The following C1GALT1 variants were observed in gnomAD, a reference collection of about 807,000 sequenced individuals.
C1GALT1 encodes core 1 synthase, glycoprotein-N-acetylgalactosamine 3-beta-galactosyltransferase 1.
In C1GALT1, 11 loss-of-function variants were observed where a neutral mutation model predicts 31.0. That is an observed-to-expected ratio of 0.36 (90% confidence interval 0.22 to 0.59). The LOEUF (loss-of-function observed/expected upper bound fraction) is 0.59, where lower values mean the gene tolerates loss of function less well. Ranked by LOEUF, C1GALT1 falls within the 20% of genes least tolerant of loss-of-function variation. C1GALT1 has a pLI of 0.79. For synonymous variants in C1GALT1, 175 were observed against 143.6 expected (o/e 1.22, Z -1.56); for missense variants, 424 against 425.2 (o/e 1.00, Z 0.03).
intron 1 of C1GALT1, among the ~76,000 whole-genome samples, chr7:7,233,842 C>T (rs1783203563): frequency 6.6e-6 from 1 of 152,194 alleles, no homozygotes. Flanking sequence ...GAAGATGCAA[C>T]AGAAACCACA....
At chr7:7,212,823 A>G (rs1782066945) in intron 1 of C1GALT1, among the ~76,000 whole-genome samples, 1 of 152,176 alleles carries the variant, frequency 6.6e-6, no homozygotes. Flanking sequence ...GTTACAAAGT[A>G]CATTCACAAG....
At chr7:7,207,786 CTTT>C (rs1454651584) in intron 1 of C1GALT1, among the ~76,000 whole-genome samples, 1 of 138,764 alleles carries the variant, frequency 7.2e-6, no homozygotes, top group Non-Finnish European at 1.5e-5. Flanking sequence ...TGCTTTTTTT[CTTT>C]GTTTTTTTTT....
intron 1 of C1GALT1, among the ~76,000 whole-genome samples, chr7:7,209,164 A>T (rs974913493): frequency 5.3e-5 from 8 of 152,192 alleles, no homozygotes; most frequent in African/African-American, 1.9e-4. Context: ...TGTAGAGCCT[A>T]TACATTTATA....
At chr7:7,227,224 G>T (rs1433669835) in intron 1 of C1GALT1, among the ~76,000 whole-genome samples, 1 of 152,084 alleles carries the variant, frequency 6.6e-6, no homozygotes, top group Non-Finnish European at 1.5e-5. Flanking sequence ...TTCCCATTCT[G>T]TAAAACTGTA....
chr7:7,226,678 T>A (rs1355208066), intron 1 of C1GALT1, among the ~76,000 whole-genome samples: 1 of 152,126 alleles, frequency 6.6e-6, no homozygotes, highest in Admixed American at 6.5e-5. Context: ...TGGCACCGAT[T>A]AGCGCCATTA....
At chr7:7,243,406 C>G (rs1313795110) in intron 3 of C1GALT1, 118 bp from the exon 4 acceptor site, 2 of 821,388 alleles carry the variant, frequency 2.4e-6, no homozygotes, top group African/African-American at 3.4e-5. Flanking sequence ...CTCTGCTTTA[C>G]CTTGCCATCT....
chr7:7,211,094 A>G (rs1022151515), intron 1 of C1GALT1, among the ~76,000 whole-genome samples: 3 of 152,158 alleles, frequency 2.0e-5, no homozygotes, highest in Non-Finnish European at 4.4e-5. Flanking sequence ...GGGTTGATCT[A>G]AGGATCCTCG....
At chr7:7,199,481 G>A (rs911109812) in intron 1 of C1GALT1, among the ~76,000 whole-genome samples, 2 of 152,224 alleles carry the variant, frequency 1.3e-5, no homozygotes, top group African/African-American at 4.8e-5. Flanking sequence ...TTTGGAATAA[G>A]TGTGATGTGG....
intron 3 of C1GALT1, among the ~76,000 whole-genome samples, 197 bp from the exon 4 acceptor site, chr7:7,243,327 T>A (rs920444495): frequency 3.9e-5 from 6 of 152,148 alleles, no homozygotes; most frequent in Non-Finnish European, 8.8e-5. Flanking sequence ...CCAATTTCAA[T>A]TGGTTTTAAA....
chr7:7,182,025 G>T (rs1294431258), upstream of C1GALT1, among the ~76,000 whole-genome samples: 2 of 152,152 alleles, frequency 1.3e-5, no homozygotes, highest in Admixed American at 6.5e-5. Flanking sequence ...AAGCTTTCTG[G>T]TATCATTATC....
intron 1 of C1GALT1, among the ~76,000 whole-genome samples, chr7:7,219,221 T>A (rs1339364190): frequency 6.6e-6 from 1 of 152,318 alleles, no homozygotes; most frequent in South Asian, 2.1e-4. Flanking sequence ...AGTTTATACA[T>A]AGGCTTTTAG....
At chr7:7,216,022 C>A (rs1308821195) in intron 1 of C1GALT1, among the ~76,000 whole-genome samples, 1 of 151,812 alleles carries the variant, frequency 6.6e-6, no homozygotes, top group South Asian at 2.1e-4. Context: ...CCTGGGCCTG[C>A]CCAATATGGT....
intron 1 of C1GALT1, among the ~76,000 whole-genome samples, chr7:7,224,512 A>G (rs1001482206): frequency 6.6e-6 from 1 of 152,190 alleles, no homozygotes; most frequent in Non-Finnish European, 1.5e-5. Flanking sequence ...TTCAGTTTCT[A>G]TAAATAATTA....
chr7:7,202,840 T>C (rs1357368156), intron 1 of C1GALT1, among the ~76,000 whole-genome samples: 1 of 152,198 alleles, frequency 6.6e-6, no homozygotes, highest in African/African-American at 2.4e-5. Flanking sequence ...CAATATTAAG[T>C]TTTCTAATTG....
At position 7,244,774 on chromosome 7, in the gene C1GALT1, TATTA is replaced by T. The variant is rs1377182556; in HGVS notation, c.*1048_*1051del. ...ATTAGTTTATAGGATCTGAGGTGGC[TATTA>T]GTTACAGTGGCAAGATTATTTAGAA... On this transcript the variant is annotated 3_prime_UTR_variant, in exon 4 of 4. Coordinates refer to ENST00000436587, the MANE Select transcript of C1GALT1 (RefSeq NM_020156.5). 6.6e-6 allele frequency: 1 copy of T among 152,188 alleles called. No individual in the cohort carries two copies. The highest frequency in any genetic ancestry group is 2.4e-5 in the African/African-American group (1 of 41,450). The allele number at this position is 152,188 out of a possible 1,614,324, so 9.4% of individuals were successfully genotyped here. A position where few individuals can be genotyped will look rare whatever the true frequency, so the allele number is the denominator to read the frequency against.
chr7:7,178,755 T>C (rs940257363), upstream of C1GALT1, among the ~76,000 whole-genome samples: 2 of 152,212 alleles, frequency 1.3e-5, no homozygotes, highest in East Asian at 3.8e-4. Context: ...AAACAACAAA[T>C]AATTGAACAC....
intron 2 of C1GALT1, chr7:7,235,141 A>T (rs898799467): frequency 6.6e-6 from 1 of 152,282 alleles, no homozygotes; most frequent in Non-Finnish European, 1.5e-5. Context: ...TCTGTGTGAC[A>T]TCATTAACCC....
intron 1 of C1GALT1, among the ~76,000 whole-genome samples, chr7:7,183,147 C>A (rs555510792): frequency 6.6e-6 from 1 of 151,990 alleles, no homozygotes; most frequent in Non-Finnish European, 1.5e-5. Context: ...CGCTGCCTGG[C>A]GGCGCGGCGG....
intron 1 of C1GALT1, among the ~76,000 whole-genome samples, chr7:7,199,343 C>A (rs139356131): frequency 6.6e-6 from 1 of 152,100 alleles, no homozygotes; most frequent in Non-Finnish European, 1.5e-5. Context: ...TGTAGGTGAG[C>A]GGTTTTGAGT....
Sources: allele counts gnomAD v4.1 joint callset (sites outside exome capture counted in the v4.1 genomes callset), GRCh38; gene constraint gnomAD v4.1.1; transcripts MANE v1.5; gene names NCBI Gene and HGNC (gene_info 2026-07-23, HGNC 2026-07-21).